INSL6: variants seen among roughly 807,000 people sequenced by gnomAD.
INSL6 encodes insulin like 6.
In INSL6, 16 loss-of-function variants were observed where a neutral mutation model predicts 9.4. The observed-to-expected ratio is 1.70, with a 90% CI of 1.15 to 2.59. The LOEUF (loss-of-function observed/expected upper bound fraction) is 2.59, where lower values mean the gene tolerates loss of function less well. Among genes scored for constraint, INSL6 ranks in the 30% most tolerant of loss-of-function variants. The pLI, the probability that INSL6 is intolerant of heterozygous loss-of-function variation, is 0.00. For synonymous variants in INSL6, 154 were observed against 96.9 expected, an observed-to-expected ratio of 1.59 and a Z score of -3.46; for missense variants, 391 against 257.3, an observed-to-expected ratio of 1.52 and a Z score of -3.56.
At chr9:5,142,903 A>G (rs1824531314) in intron 2 of INSL6, among the ~76,000 whole-genome samples, 1 of 152,198 alleles carries the variant, frequency 6.6e-6, no homozygotes, top group African/African-American at 2.4e-5. Flanking sequence ...ACAGTTTAAC[A>G]TGAATGGATG....
At chr9:5,167,292 C>A (rs1193945309) in intron 1 of INSL6, among the ~76,000 whole-genome samples, 1 of 152,198 alleles carries the variant, frequency 6.6e-6, no homozygotes, top group Non-Finnish European at 1.5e-5. Flanking sequence ...CCACCAGGGC[C>A]TTGGGTTCCA....
chr9:5,085,759 CAT>C, the INSL6 span: 1 of 754,886 alleles, frequency 1.3e-6, no homozygotes, highest in South Asian at 1.4e-5. Flanking sequence ...CTAGCTTGCA[CAT>C]GTCGGGAGTT....
chr9:5,132,564 A>G (rs1426074226), intron 3 of INSL6, among the ~76,000 whole-genome samples: 1 of 152,046 alleles, frequency 6.6e-6, no homozygotes, highest in Non-Finnish European at 1.5e-5. Context: ...AAAAAAAAAA[A>G]AGACTATCCA....
chr9:5,141,744 T>C (rs1472779429), intron 2 of INSL6, among the ~76,000 whole-genome samples: 1 of 152,228 alleles, frequency 6.6e-6, no homozygotes, highest in African/African-American at 2.4e-5. Flanking sequence ...TTATCAATTT[T>C]TGCTTTTGTT....
downstream of INSL6, among the ~76,000 whole-genome samples, chr9:5,119,718 G>A (rs1586836325): frequency 6.6e-6 from 1 of 152,072 alleles, no homozygotes; most frequent in South Asian, 2.1e-4. Flanking sequence ...TCTGACTTTG[G>A]GGAATAATTA....
At chr9:5,084,778 A>G in the INSL6 span, among the ~76,000 whole-genome samples, 4 of 152,336 alleles carry the variant, frequency 2.6e-5, no homozygotes, top group East Asian at 1.9e-4. Context: ...AGACACCTCA[A>G]TTAGAATTTA....
chr9:5,111,358 AC>A, the INSL6 span: 110,493 of 408,206 alleles, frequency 0.27, 15,741 homozygotes, highest in Admixed American at 0.3. Flanking sequence ...TCCCGGTACT[AC>A]CCCTCCTACG....
the INSL6 span, among the ~76,000 whole-genome samples, chr9:5,019,001 A>T: frequency 6.6e-6 from 1 of 152,104 alleles, no homozygotes; most frequent in Non-Finnish European, 1.5e-5. Flanking sequence ...GTCTTTGACA[A>T]ACTGTTGACA....
the INSL6 span, among the ~76,000 whole-genome samples, chr9:5,028,930 T>G: frequency 6.6e-6 from 1 of 152,260 alleles, no homozygotes; most frequent in African/African-American, 2.4e-5. Flanking sequence ...TCAATAAGGC[T>G]GTTTTGCTCT....
the INSL6 span, chr9:5,098,669 T>C: frequency 1.3e-5 from 2 of 152,126 alleles, no homozygotes; most frequent in Non-Finnish European, 2.9e-5. Context: ...TATGAATATA[T>C]AGACTATGAA....
chr9:5,073,698 T>A, the INSL6 span: 3 of 1,607,724 alleles, frequency 1.9e-6, no homozygotes, highest in Non-Finnish European at 2.6e-6. Context: ...TTTTCCTTAG[T>A]CTTTCTTTGA....
intron 3 of INSL6, among the ~76,000 whole-genome samples, chr9:5,125,127 C>A: frequency 6.6e-6 from 1 of 151,130 alleles, no homozygotes; most frequent in Non-Finnish European, 1.5e-5. Context: ...AAAATCATCT[C>A]TAATGCAATT....
At chr9:5,009,776 T>A in the INSL6 span, among the ~76,000 whole-genome samples, 18 of 145,742 alleles carry the variant, frequency 1.2e-4, no homozygotes, top group East Asian at 2.9e-3. Context: ...TCAGTTAAAA[T>A]TTTTTTTTTT....
At chr9:5,112,569 G>T in the INSL6 span, 1 of 656,934 alleles carries the variant, frequency 1.5e-6, no homozygotes, top group East Asian at 2.9e-5. Context: ...CCAGGGAGCG[G>T]CTGCGGGTCC....
At chr9:5,085,628 CCTT>C in the INSL6 span, 1 of 711,038 alleles carries the variant, frequency 1.4e-6, no homozygotes. Context: ...GCAAGGACAG[CCTT>C]CTTTTCACCC....
the INSL6 span, among the ~76,000 whole-genome samples, chr9:4,997,157 C>A: frequency 5.3e-5 from 8 of 151,926 alleles, no homozygotes; most frequent in African/African-American, 1.9e-4. Flanking sequence ...GTCTTGAACT[C>A]CTGGGCTCCA....
chr9:5,086,114 C>A, the INSL6 span: 1 of 455,390 alleles, frequency 2.2e-6, no homozygotes, highest in Middle Eastern at 7.2e-4. Flanking sequence ...GCGCGGGCAT[C>A]GGCAGCGGCG....
chr9:5,063,032 G>GT, the INSL6 span, among the ~76,000 whole-genome samples: 1 of 151,852 alleles, frequency 6.6e-6, no homozygotes, highest in Non-Finnish European at 1.5e-5. Flanking sequence ...TATAGTACTT[G>GT]TTTTTTTGGC....
At chr9:5,066,856 T>C in the INSL6 span, 1 of 635,462 alleles carries the variant, frequency 1.6e-6, no homozygotes, top group South Asian at 3.2e-5. Context: ...TCCATATTTA[T>C]TTACCATATT....
Sources: allele counts gnomAD v4.1 joint callset (sites outside exome capture counted in the v4.1 genomes callset), GRCh38; gene constraint gnomAD v4.1.1; transcripts MANE v1.5; gene names NCBI Gene and HGNC (gene_info 2026-07-23, HGNC 2026-07-21).